Variants in HECTD4 observed in about 807,000 individuals in gnomAD.
HECTD4 encodes the protein probable E3 ubiquitin-protein ligase HECTD4.
Under a neutral mutation model 471.5 loss-of-function variants are expected in HECTD4, and 114 were observed. That is an observed-to-expected ratio of 0.24 (90% confidence interval 0.21 to 0.28). The LOEUF (loss-of-function observed/expected upper bound fraction) is 0.28. HECTD4 is among the 10% of genes least tolerant of loss of function. The pLI, the probability that HECTD4 is intolerant of heterozygous loss-of-function variation, is 1.00. For missense variants in HECTD4, 3,866 were observed against 5,651.5 expected, an observed-to-expected ratio of 0.68 and a Z score of 10.13; for synonymous variants, 2,012 against 2,256.0, an observed-to-expected ratio of 0.89 and a Z score of 3.07.
intron 48 of HECTD4, 67 bp downstream of exon 48, chr12:112,216,225 A>G: frequency 9.7e-7 from 1 of 1,027,512 alleles, no homozygotes; most frequent in South Asian, 1.4e-5. Context: ...TTCAACTTTA[A>G]CCTGTTTAGA....
intron 17 of HECTD4, among the ~76,000 whole-genome samples, chr12:112,262,530 AAAAAAAAAAAAAG>A (rs1418584221): frequency 6.7e-6 from 1 of 149,964 alleles, no homozygotes; most frequent in African/African-American, 2.4e-5. Context: ...AAAAAAAAAA[AAAAAAAAAAAAAG>A]AATCTACTAA....
intron 43 of HECTD4, chr12:112,226,968 A>C (rs991078079): frequency 3.9e-5 from 17 of 440,726 alleles, no homozygotes; most frequent in Non-Finnish European, 5.7e-5. Flanking sequence ...CTGACACTGC[A>C]TGAAGAATTG....
At chr12:112,183,324 A>C in intron 61 of HECTD4, 58 bp from the exon 62 acceptor site, 1 of 1,325,358 alleles carries the variant, frequency 7.5e-7, no homozygotes, top group Non-Finnish European at 1.1e-6. Flanking sequence ...ATTCAGTGTG[A>C]GTGAACTTCT....
At chr12:112,218,821 A>G (rs1247064625) in intron 45 of HECTD4, among the ~76,000 whole-genome samples, 1 of 151,522 alleles carries the variant, frequency 6.6e-6, no homozygotes. Context: ...TGCAACCTCT[A>G]CCTCCCAGGT....
rs2031783331 is a variant in HECTD4, at chr12:112,184,398, C to G, written c.10568G>C (p.Gly3523Ala). The G allele has an allele frequency of 6.2e-7, 1 of 1,608,210 alleles. No homozygotes were observed. The highest frequency in any genetic ancestry group is 8.5e-7 in the Non-Finnish European group (1 of 1,178,126). Residue 3523 changes from glycine (G) to alanine (A), a missense_variant, in exon 61 of 76, where the codon GGC becomes GCC. This residue lies in a region of HECTD4 where 192 missense variants were observed against 189.9 expected (regional missense o/e 1.01). Transcript: ENST00000682272. This position sits in a 1 kb window ranked among gnomAD's most constrained non-coding sequence, Gnocchi z 9.1. ...GGACACCGCGTGGGGCTCCAACAGG[C>G]CCGGAGGGATGGGCAGCTCGAGGCC... ...PAGLELPIPP[G>A]LLEPHAVSSQ...
chr12:112,256,791 T>C (rs1001135524), intron 20 of HECTD4: 3 of 235,594 alleles, frequency 1.3e-5, no homozygotes. Flanking sequence ...TTTTTCCCTC[T>C]TTTTTTCAAG....
chr12:112,332,878 C>T (rs2135717131), intron 1 of HECTD4, among the ~76,000 whole-genome samples: 1 of 151,276 alleles, frequency 6.6e-6, no homozygotes. Context: ...ATCTCCCAGC[C>T]CTTGGCAACC....
At chr12:112,178,444 C>T (rs914706117) in intron 64 of HECTD4, among the ~76,000 whole-genome samples, 2 of 152,234 alleles carry the variant, frequency 1.3e-5, no homozygotes, top group Non-Finnish European at 2.9e-5. Flanking sequence ...TTCCAGCCTT[C>T]ATGGTCAGAA....
chr12:112,170,972 A>C (rs1282317902), intron 68 of HECTD4, 145 bp downstream of exon 68: 1 of 614,942 alleles, frequency 1.6e-6, no homozygotes, highest in African/African-American at 1.9e-5. Context: ...GCTCCAGAGG[A>C]GCCCTGCCTG....
intron 1 of HECTD4, among the ~76,000 whole-genome samples, chr12:112,351,674 C>T (rs1448735922): frequency 6.6e-6 from 1 of 152,252 alleles, no homozygotes; most frequent in East Asian, 1.9e-4. Context: ...GTTTAGTTGT[C>T]TTCTTGCATT....
At chr12:112,332,995 C>G (rs775062958) in intron 1 of HECTD4, among the ~76,000 whole-genome samples, 3 of 152,170 alleles carry the variant, frequency 2.0e-5, no homozygotes, top group Non-Finnish European at 2.9e-5. Flanking sequence ...TCTCAGTATA[C>G]TGTTTTCAAG....
chr12:112,329,542 A>G (rs920720843), intron 1 of HECTD4, among the ~76,000 whole-genome samples: 1 of 151,902 alleles, frequency 6.6e-6, no homozygotes, highest in Non-Finnish European at 1.5e-5. Context: ...TAATTTCTGT[A>G]TTTTTGGTAG....
chr12:112,287,642 G>A (rs1220659033), intron 7 of HECTD4, among the ~76,000 whole-genome samples: 2 of 152,052 alleles, frequency 1.3e-5, no homozygotes, highest in Non-Finnish European at 2.9e-5. Context: ...AGAGTTATAG[G>A]CTGGGTGCAG....
chr12:112,313,481 ATT>A (rs34438364), intron 3 of HECTD4, among the ~76,000 whole-genome samples: 2 of 58,910 alleles, frequency 3.4e-5, no homozygotes, highest in Non-Finnish European at 6.4e-5. Context: ...TGCCCGGCTA[ATT>A]TTTTTTTTTT....
rs900681092 is a variant in HECTD4, at chr12:112,179,706, T to G, written c.10988-309A>C. ...GGGACGACAGGCCCCTCCCCGAGGG[T>G]GGGCACACCTCAGTGCTCACCCTCA... On this transcript the variant is annotated intron_variant, in intron 62 of 75. Coordinates refer to ENST00000682272, the MANE Select transcript of HECTD4 (RefSeq NM_001388303.1). This position sits in a 1 kb window ranked among gnomAD's most constrained non-coding sequence, Gnocchi z 4.3. Among the ~76,000 whole-genome samples, 157 of 152,020 alleles carry G rather than the reference T, an allele frequency of 1.0e-3. No individual in the cohort carries two copies. Among genetic ancestry groups the G allele is most frequent in the African/African-American group, 3.5e-3 (147 of 41,542 alleles).
At chr12:112,226,533 C>T (rs972509441) in intron 44 of HECTD4, 110 bp downstream of exon 44, 8 of 588,268 alleles carry the variant, frequency 1.4e-5, no homozygotes, top group Admixed American at 5.7e-5. Flanking sequence ...CCTTACAGCT[C>T]GGCTGTTTTG....
intron 45 of HECTD4, among the ~76,000 whole-genome samples, chr12:112,218,547 T>C (rs1490655306): frequency 6.6e-6 from 1 of 152,236 alleles, no homozygotes; most frequent in Non-Finnish European, 1.5e-5. Flanking sequence ...CTTACTGTAA[T>C]TTCAAGTTCA....
At chr12:112,298,984 G>A (rs900350959) in intron 7 of HECTD4, among the ~76,000 whole-genome samples, 2 of 152,016 alleles carry the variant, frequency 1.3e-5, no homozygotes, top group Non-Finnish European at 2.9e-5. Context: ...AAGTACCATA[G>A]GCAGTAAGCC....
chr12:112,342,981 C>A (rs1296095792), intron 1 of HECTD4, among the ~76,000 whole-genome samples: 1 of 152,192 alleles, frequency 6.6e-6, no homozygotes, highest in African/African-American at 2.4e-5. Context: ...ATGTAATTTA[C>A]AACACTCTGT....
Sources: gnomAD v4.1 joint callset for allele counts (sites outside exome capture counted in the v4.1 genomes callset) on GRCh38, gnomAD v4.1.1 for gene constraint, gnomAD v4.1.1 regional missense constraint, Gnocchi (gnomAD v3.1) non-coding constraint, MANE v1.5 for transcripts, NCBI Gene and HGNC (gene_info 2026-07-23, HGNC 2026-07-21) for gene names.